Variants in DIAPH2 observed in about 807,000 individuals in gnomAD.
The protein encoded by DIAPH2 is diaphanous related formin 2.
In DIAPH2, 35 loss-of-function variants were observed where a neutral mutation model predicts 92.7. The observed-to-expected ratio is 0.38, with a 90% CI of 0.29 to 0.50. The LOEUF (loss-of-function observed/expected upper bound fraction) is 0.50, where lower values mean the gene tolerates loss of function less well. Among genes scored for constraint, DIAPH2 ranks in the 20% least tolerant of loss-of-function variants. The probability of loss-of-function intolerance (pLI) is 0.94; values close to 1 mark genes in which losing one functional copy is unlikely to be tolerated. For missense variants in DIAPH2, 701 were observed against 819.5 expected, an observed-to-expected ratio of 0.86 and a Z score of 1.77; for synonymous variants, 301 against 280.4, an observed-to-expected ratio of 1.07 and a Z score of -0.73.
At chrX:97,394,280 C>T (rs2069685792) in intron 25 of DIAPH2, among the ~76,000 whole-genome samples, 1 of 111,668 alleles carries the variant, frequency 9.0e-6, no homozygotes, top group Non-Finnish European at 1.9e-5. Context: ...ATTTTTACAA[C>T]TGCTAATAAA....
chrX:97,271,851 G>A (rs990432709), intron 23 of DIAPH2, among the ~76,000 whole-genome samples: 8 of 77,265 alleles, frequency 1.0e-4, no homozygotes, highest in Admixed American at 1.5e-4. Context: ...ACACACATGC[G>A]TACAGACATA....
At chrX:96,753,119 A>G (rs1307847336) in intron 3 of DIAPH2, among the ~76,000 whole-genome samples, 1 of 112,035 alleles carries the variant, frequency 8.9e-6, no homozygotes, top group Non-Finnish European at 1.9e-5. Context: ...CTCTTAGGCC[A>G]GGCTGTGAAG....
chrX:97,038,232 C>T (rs746498818), intron 17 of DIAPH2, among the ~76,000 whole-genome samples: 1 of 111,819 alleles, frequency 8.9e-6, no homozygotes, highest in African/African-American at 3.2e-5. Context: ...TACACACACA[C>T]ACACACCACA....
intron 4 of DIAPH2, among the ~76,000 whole-genome samples, chrX:96,810,683 A>G (rs1282192058): frequency 1.8e-5 from 2 of 111,445 alleles, no homozygotes; most frequent in African/African-American, 6.5e-5. Flanking sequence ...TCCATCTTGA[A>G]TTAATTTTTG....
At chrX:96,724,070 C>T (rs996598917) in intron 1 of DIAPH2, among the ~76,000 whole-genome samples, 6 of 108,049 alleles carry the variant, frequency 5.6e-5, no homozygotes, top group Non-Finnish European at 1.1e-4. Flanking sequence ...ATTACAGGCG[C>T]CCACCACCAC....
chrX:97,263,222 A>G (rs1317246780), intron 23 of DIAPH2, among the ~76,000 whole-genome samples: 1 of 111,842 alleles, frequency 8.9e-6, no homozygotes, highest in Admixed American at 9.5e-5. Context: ...AAATGTCCCT[A>G]TTAAGTTGTC....
chrX:96,706,679 ACT>A (rs1231617724), intron 1 of DIAPH2, among the ~76,000 whole-genome samples: 1 of 111,319 alleles, frequency 9.0e-6, no homozygotes, highest in East Asian at 2.8e-4. Flanking sequence ...TGGAGCAGAG[ACT>A]CTACAGTGTT....
intron 24 of DIAPH2, among the ~76,000 whole-genome samples, chrX:97,382,223 A>G (rs772159441): frequency 1.8e-5 from 2 of 112,198 alleles, no homozygotes; most frequent in South Asian, 7.4e-4. Flanking sequence ...TTTCTTAGAC[A>G]TCTATTTATT....
intron 22 of DIAPH2, among the ~76,000 whole-genome samples, chrX:97,211,341 G>A (rs769387069): frequency 9.0e-6 from 1 of 110,546 alleles, no homozygotes; most frequent in Non-Finnish European, 1.9e-5. Context: ...CTCACCTTGT[G>A]GAATAGGTTG....
intron 22 of DIAPH2, among the ~76,000 whole-genome samples, chrX:97,221,319 G>C (rs2067923074): frequency 8.9e-6 from 1 of 111,792 alleles, no homozygotes; most frequent in Non-Finnish European, 1.9e-5. Context: ...AAAACGTATT[G>C]TGTTAGGTCA....
At chrX:96,995,441 A>G (rs984968530) in intron 17 of DIAPH2, among the ~76,000 whole-genome samples, 4 of 112,227 alleles carry the variant, frequency 3.6e-5, no homozygotes, top group Non-Finnish European at 7.5e-5. Flanking sequence ...CTAGCAAAGC[A>G]TATGATCTGG....
At chrX:97,351,150 G>A (rs1202070505) in intron 24 of DIAPH2, among the ~76,000 whole-genome samples, 2 of 112,370 alleles carry the variant, frequency 1.8e-5, no homozygotes, top group African/African-American at 3.2e-5. Context: ...TGTTTTGAAC[G>A]TGGGTGGGAC....
At chrX:96,886,610 GA>G (rs748697919) in intron 5 of DIAPH2, among the ~76,000 whole-genome samples, 3 of 111,393 alleles carry the variant, frequency 2.7e-5, no homozygotes, top group African/African-American at 9.7e-5. Context: ...TAAATTATCA[GA>G]CATTTTGAAA....
At chrX:97,154,341 T>C (rs762120546) in intron 22 of DIAPH2, among the ~76,000 whole-genome samples, 349 of 111,648 alleles carry the variant, frequency 3.1e-3, no homozygotes, top group Middle Eastern at 0.023. Flanking sequence ...ACATGGACAA[T>C]AATATCAAAA....
Position 97,465,273 on chromosome X carries a change from C to CA in DIAPH2, c.3241+35528_3241+35529insA, listed in dbSNP as rs1569404531. On this transcript the variant is annotated intron_variant, in intron 26 of 26. Coordinates refer to ENST00000324765, the MANE Select transcript of DIAPH2 (RefSeq NM_006729.5). Reference sequence around the variant, plus strand: ...TATCCTGTCTTGCTTTAGAATTCACCCACACACACACACACACACACGTTT... The same window carrying CA: ...TATCCTGTCTTGCTTTAGAATTCACCACACACACACACACACACACACGTTT... Among the ~76,000 whole-genome samples, 382 of 106,875 alleles carry CA rather than the reference C, an allele frequency of 3.6e-3. 2 individuals carry two copies. Among genetic ancestry groups the CA allele is most frequent in the African/African-American group, 0.011 (311 of 29,475 alleles). The allele number at this position is 106,875 out of a possible 115,157, so 92.8% of individuals were successfully genotyped here.
intron 5 of DIAPH2, among the ~76,000 whole-genome samples, chrX:96,888,571 A>ATATATATATATC (rs1556283020): frequency 1.1e-5 from 1 of 90,982 alleles, no homozygotes; most frequent in Admixed American, 1.3e-4. Flanking sequence ...ATATACACAG[A>ATATATATATATC]TATATATATC....
At chrX:97,044,444 C>T (rs1399857939) in intron 17 of DIAPH2, among the ~76,000 whole-genome samples, 2 of 111,296 alleles carry the variant, frequency 1.8e-5, no homozygotes, top group Non-Finnish European at 3.8e-5. Flanking sequence ...TGATGACCTA[C>T]CTCATAATTC....
chrX:96,988,438 A>T (rs1039735952), intron 17 of DIAPH2, among the ~76,000 whole-genome samples: 2 of 109,496 alleles, frequency 1.8e-5, no homozygotes, highest in Non-Finnish European at 1.9e-5. Flanking sequence ...TTTTTTTTTT[A>T]AAGCAAAGAA....
At chrX:97,355,183 C>T (rs1569371490) in intron 24 of DIAPH2, among the ~76,000 whole-genome samples, 1 of 111,565 alleles carries the variant, frequency 9.0e-6, no homozygotes, top group Non-Finnish European at 1.9e-5. Flanking sequence ...TCAGTCATGT[C>T]TAAATCTAAA....
Sources: gnomAD v4.1 joint callset for allele counts (sites outside exome capture counted in the v4.1 genomes callset) on GRCh38, gnomAD v4.1.1 for gene constraint, MANE v1.5 for transcripts, NCBI Gene and HGNC (gene_info 2026-07-23, HGNC 2026-07-21) for gene names.